Variants in LMX1B observed in about 807,000 individuals in gnomAD.
LMX1B encodes the protein LIM homeobox transcription factor 1-beta.
A neutral mutation model predicts 51.4 loss-of-function variants in LMX1B; 12 were observed. The ratio of observed to expected loss-of-function variants is 0.23; its 90% confidence interval spans 0.15 to 0.38. The LOEUF (loss-of-function observed/expected upper bound fraction) is 0.38. Among genes scored for constraint, LMX1B ranks in the 10% least tolerant of loss-of-function variants. The pLI is 1.00. For missense variants in LMX1B, 445 were observed against 571.1 expected (o/e 0.78, Z 2.25); for synonymous variants, 237 against 235.4 (o/e 1.01, Z -0.06).
At chr9:126,656,326 G>C (rs1209030329) in intron 2 of LMX1B, among the ~76,000 whole-genome samples, 1 of 152,164 alleles carries the variant, frequency 6.6e-6, no homozygotes, top group African/African-American at 2.4e-5. Context: ...AAGGCAGGCA[G>C]ATCACTTGAG....
Position 126,626,659 on chromosome 9 carries a change from G to T in LMX1B, c.326+11090G>T, listed in dbSNP as rs1446686411. Among the ~76,000 whole-genome samples, 6 of 151,988 alleles carry T rather than the reference G, an allele frequency of 3.9e-5. No individual in the cohort carries two copies. The highest frequency in any genetic ancestry group is 7.4e-5 in the Non-Finnish European group (5 of 67,996). On this transcript the variant is annotated intron_variant, in intron 2 of 7. Transcript: ENST00000373474. The surrounding 1 kb of genome is among the most constrained non-coding windows in gnomAD (Gnocchi z 4.3). ...CACTTGATACCAACTTTGTTTTTTT[G>T]GCAAGAAAAATAAGCCTTGTTTGGA...
At chr9:126,619,772 G>C (rs540379418) in intron 2 of LMX1B, among the ~76,000 whole-genome samples, 1 of 152,134 alleles carries the variant, frequency 6.6e-6, no homozygotes, top group African/African-American at 2.4e-5. Context: ...TCGACTCCCC[G>C]GGCGCTGGGC....
intron 2 of LMX1B, among the ~76,000 whole-genome samples, chr9:126,652,721 G>A (rs975955991): frequency 6.6e-6 from 1 of 152,206 alleles, no homozygotes; most frequent in Admixed American, 6.5e-5. Context: ...CCACATGATG[G>A]GGGTCCCTGC....
At chr9:126,669,554 G>A (rs557833951) in intron 2 of LMX1B, among the ~76,000 whole-genome samples, 5 of 152,268 alleles carry the variant, frequency 3.3e-5, no homozygotes, top group African/African-American at 9.6e-5. Flanking sequence ...GTTTTGACGC[G>A]TCTTGTTTGT....
intron 2 of LMX1B, among the ~76,000 whole-genome samples, chr9:126,663,905 G>A (rs1836290652): frequency 6.6e-6 from 1 of 152,198 alleles, no homozygotes; most frequent in Non-Finnish European, 1.5e-5. Flanking sequence ...GAATCCCGGG[G>A]GCCTCTCTGC....
Position 126,615,144 on chromosome 9 carries a change from G to C in LMX1B, c.140-239G>C, listed in dbSNP as rs1835276922. Among the ~76,000 whole-genome samples the C allele has an allele frequency of 6.6e-6, 1 of 152,038 alleles. No individual in the cohort carries two copies. Among genetic ancestry groups the C allele is most frequent in the Non-Finnish European group, 1.5e-5 (1 of 67,964 alleles). ...CGCGGATTCTCCGGAGAAGGGGAGA[G>C]CACAGCGCCGAGCCAAGGCTCGAGG... On this transcript the variant is annotated intron_variant, in intron 1 of 7. Coordinates refer to ENST00000373474, the MANE Select transcript of LMX1B (RefSeq NM_001174147.2). This position sits in a 1 kb window ranked among gnomAD's most constrained non-coding sequence, Gnocchi z 6.0.
intron 2 of LMX1B, among the ~76,000 whole-genome samples, chr9:126,687,108 A>G (rs1319434667): frequency 6.6e-6 from 1 of 152,192 alleles, no homozygotes; most frequent in Admixed American, 6.5e-5. Flanking sequence ...CACACCGAAC[A>G]AAAGAAATGT....
chr9:126,687,626 G>A (rs75144184), intron 2 of LMX1B, among the ~76,000 whole-genome samples: 4 of 152,160 alleles, frequency 2.6e-5, no homozygotes, highest in South Asian at 2.1e-4. Context: ...GGTTGTGCCC[G>A]CCACACCTGC....
chr9:126,619,468 C>G (rs1564145210), intron 2 of LMX1B, among the ~76,000 whole-genome samples: 1 of 152,224 alleles, frequency 6.6e-6, no homozygotes. Flanking sequence ...CCCCCCTGCC[C>G]CAACCATCAA....
intron 2 of LMX1B, among the ~76,000 whole-genome samples, chr9:126,690,371 C>A (rs1030450795): frequency 6.6e-6 from 1 of 152,008 alleles, no homozygotes; most frequent in Non-Finnish European, 1.5e-5. Context: ...GTTGCTCGGG[C>A]AGGAGAGGAG....
intron 2 of LMX1B, among the ~76,000 whole-genome samples, chr9:126,622,553 C>T (rs1370496428): frequency 6.6e-6 from 1 of 152,224 alleles, no homozygotes; most frequent in African/African-American, 2.4e-5. Flanking sequence ...AGGGGAGGAG[C>T]AGCACTGGGT....
chr9:126,636,903 A>C (rs1246411623), intron 2 of LMX1B, among the ~76,000 whole-genome samples: 1 of 152,064 alleles, frequency 6.6e-6, no homozygotes, highest in Non-Finnish European at 1.5e-5. Flanking sequence ...GTCTCTAGAG[A>C]TGTATGTGCA....
At chr9:126,634,793 G>T (rs1212031316) in intron 2 of LMX1B, among the ~76,000 whole-genome samples, 2 of 152,196 alleles carry the variant, frequency 1.3e-5, no homozygotes, top group African/African-American at 2.4e-5. Context: ...GTGCTGCCTG[G>T]AGAGGTGGGA....
Position 126,615,942 on chromosome 9 carries a change from G to A in LMX1B, c.326+373G>A, listed in dbSNP as rs1835296122. 6.6e-6 allele frequency among the ~76,000 whole-genome samples: 1 copy of A among 152,222 alleles called. No homozygotes were observed. Among genetic ancestry groups the A allele is most frequent in the African/African-American group, 2.4e-5 (1 of 41,458 alleles). On this transcript the variant is annotated intron_variant, in intron 2 of 7. Coordinates refer to ENST00000373474, the MANE Select transcript of LMX1B (RefSeq NM_001174147.2). This position sits in a 1 kb window ranked among gnomAD's most constrained non-coding sequence, Gnocchi z 6.0. ...ATGTTTTAGGGAGCCAGGCCTGGCG[G>A]ACTGCTTCAAGGGCCTGGTGTGTGG...
At chr9:126,644,930 A>G (rs1052792952) in intron 2 of LMX1B, among the ~76,000 whole-genome samples, 2 of 152,136 alleles carry the variant, frequency 1.3e-5, no homozygotes, top group Admixed American at 1.3e-4. Context: ...AGCGCTGACA[A>G]GGACGGAGGG....
intron 2 of LMX1B, among the ~76,000 whole-genome samples, chr9:126,634,385 C>A (rs1006532160): frequency 6.6e-6 from 1 of 152,226 alleles, no homozygotes; most frequent in African/African-American, 2.4e-5. Flanking sequence ...ACATGTGGAA[C>A]TTCCTCCCTC....
At chr9:126,629,366 G>A (rs1467710300) in intron 2 of LMX1B, among the ~76,000 whole-genome samples, 2 of 152,196 alleles carry the variant, frequency 1.3e-5, no homozygotes, top group Non-Finnish European at 2.9e-5. Flanking sequence ...GGTCCATCAG[G>A]CACTGCTCTC....
chr9:126,638,004 G>A (rs894512672), intron 2 of LMX1B, among the ~76,000 whole-genome samples: 4 of 152,006 alleles, frequency 2.6e-5, no homozygotes, highest in Admixed American at 2.0e-4. Context: ...CTCCCGCTCC[G>A]CAGCCCTGCC....
chr9:126,659,177 TC>T (rs961249530), intron 2 of LMX1B, among the ~76,000 whole-genome samples: 7 of 152,172 alleles, frequency 4.6e-5, no homozygotes, highest in African/African-American at 1.7e-4. Context: ...TGGGCCCCCT[TC>T]CCCCATAGAG....
Sources: allele counts gnomAD v4.1 joint callset (sites outside exome capture counted in the v4.1 genomes callset), GRCh38; gene constraint gnomAD v4.1.1; non-coding constraint Gnocchi (gnomAD v3.1); transcripts MANE v1.5; gene names NCBI Gene and HGNC (gene_info 2026-07-23, HGNC 2026-07-21).